The following NPAS3 variants were observed in gnomAD, a reference collection of about 807,000 sequenced individuals.
NPAS3 encodes neuronal PAS domain protein 3, also known as neuronal PAS domain-containing protein 3.
NPAS3 carries 14 observed loss-of-function variants against 73.1 expected under a neutral mutation model. The observed-to-expected ratio is 0.19, with a 90% CI of 0.13 to 0.30. The LOEUF (loss-of-function observed/expected upper bound fraction) is 0.30, where lower values mean the gene tolerates loss of function less well. Ranked by LOEUF, NPAS3 falls within the 10% of genes least tolerant of loss-of-function variation. The pLI is 1.00. For missense variants in NPAS3, 1,096 were observed against 1,250.0 expected, an observed-to-expected ratio of 0.88 and a Z score of 1.86; for synonymous variants, 620 against 541.5, an observed-to-expected ratio of 1.14 and a Z score of -2.01.
At chr14:33,118,997 T>G (rs1459652639) in intron 2 of NPAS3, among the ~76,000 whole-genome samples, 1 of 151,952 alleles carries the variant, frequency 6.6e-6, no homozygotes, top group South Asian at 2.1e-4. Context: ...AAATGCTACA[T>G]GGCAATATTT....
intron 3 of NPAS3, among the ~76,000 whole-genome samples, chr14:33,217,880 C>A (rs1386399721): frequency 6.6e-6 from 1 of 152,202 alleles, no homozygotes; most frequent in Non-Finnish European, 1.5e-5. Flanking sequence ...TTCTTGCCTT[C>A]TGTCTAGTGC....
chr14:33,716,676 A>G (rs764533767), intron 6 of NPAS3, among the ~76,000 whole-genome samples: 5 of 151,936 alleles, frequency 3.3e-5, no homozygotes, highest in Non-Finnish European at 7.4e-5. Context: ...TTCTTCCCCT[A>G]TGAGTTTGCC....
At chr14:33,232,599 G>A (rs2047892336) in intron 3 of NPAS3, among the ~76,000 whole-genome samples, 2 of 152,068 alleles carry the variant, frequency 1.3e-5, no homozygotes, top group Non-Finnish European at 2.9e-5. Flanking sequence ...CCCTTCCTGT[G>A]ATTAATGGGT....
chr14:33,186,677 G>A (rs181128773), intron 2 of NPAS3, among the ~76,000 whole-genome samples: 15 of 152,218 alleles, frequency 9.9e-5, no homozygotes, highest in African/African-American at 1.4e-4. Context: ...CCCTGGATAG[G>A]GCTGTATCCT....
chr14:33,225,915 C>A (rs141966451), intron 3 of NPAS3, among the ~76,000 whole-genome samples: 18 of 152,172 alleles, frequency 1.2e-4, no homozygotes, highest in Admixed American at 1.2e-3. Context: ...ATTGCAACAA[C>A]AATGAATGGC....
At chr14:33,033,042 T>C (rs1040917435) in intron 1 of NPAS3, among the ~76,000 whole-genome samples, 10 of 152,192 alleles carry the variant, frequency 6.6e-5, no homozygotes, top group Non-Finnish European at 1.3e-4. Flanking sequence ...GACTGTCAAA[T>C]CAAATAATAA....
At chr14:33,287,845 G>A (rs888853667) in intron 3 of NPAS3, among the ~76,000 whole-genome samples, 1 of 152,102 alleles carries the variant, frequency 6.6e-6, no homozygotes, top group African/African-American at 2.4e-5. Context: ...CATCGTTCCT[G>A]GAATTCAGTG....
chr14:33,123,494 C>A (rs978106347), intron 2 of NPAS3, among the ~76,000 whole-genome samples: 15 of 152,146 alleles, frequency 9.9e-5, no homozygotes, highest in Middle Eastern at 3.4e-3. Flanking sequence ...ATAAGCATTG[C>A]TGAAGTGGGT....
At chr14:33,242,255 C>A (rs1015421574) in intron 3 of NPAS3, among the ~76,000 whole-genome samples, 1 of 151,986 alleles carries the variant, frequency 6.6e-6, no homozygotes, top group Non-Finnish European at 1.5e-5. Flanking sequence ...TTATAGTTCC[C>A]TTCTCAAATT....
Position 33,417,123 on chromosome 14 carries a change from A to G in NPAS3, c.468+49855A>G, listed in dbSNP as rs190984264. 2.0e-5 allele frequency among the ~76,000 whole-genome samples: 3 copies of G among 152,150 alleles called. No homozygotes were observed. In the East Asian group the frequency reaches 5.8e-4, roughly 29 times the overall value. ...ATTCTTTGCAGCCTAATTGATAGAT[A>G]TGTATTTTATTTAAAAAATTAGAAT... On this transcript the variant is annotated intron_variant, in intron 4 of 11. Coordinates refer to ENST00000356141, the Ensembl canonical transcript of NPAS3.
At chr14:33,149,208 G>A (rs2044357675) in intron 2 of NPAS3, among the ~76,000 whole-genome samples, 2 of 152,228 alleles carry the variant, frequency 1.3e-5, no homozygotes, top group Non-Finnish European at 2.9e-5. Context: ...AATCCATAAG[G>A]TATGTAAAGG....
intron 5 of NPAS3, among the ~76,000 whole-genome samples, chr14:33,662,368 T>C (rs2059332336): frequency 6.6e-6 from 1 of 152,176 alleles, no homozygotes; most frequent in Non-Finnish European, 1.5e-5. Context: ...GGACTTGTGG[T>C]CAAGTAAAAA....
At chr14:33,522,912 T>C (rs1013564153) in intron 4 of NPAS3, among the ~76,000 whole-genome samples, 6 of 152,172 alleles carry the variant, frequency 3.9e-5, no homozygotes, top group African/African-American at 1.4e-4. Flanking sequence ...TGTTTTACAT[T>C]CATATATAAT....
chr14:32,996,241 G>A (rs540624224), intron 1 of NPAS3, among the ~76,000 whole-genome samples: 1 of 152,158 alleles, frequency 6.6e-6, no homozygotes, highest in Non-Finnish European at 1.5e-5. Flanking sequence ...GCATTCAATA[G>A]GTGACTTGGG....
chr14:33,756,017 C>T (rs1241243732), intron 7 of NPAS3, among the ~76,000 whole-genome samples: 1 of 152,114 alleles, frequency 6.6e-6, no homozygotes, highest in Non-Finnish European at 1.5e-5. Flanking sequence ...CCCCCATGAC[C>T]CAAACACCTC....
intron 1 of NPAS3, among the ~76,000 whole-genome samples, chr14:32,971,913 A>G (rs2037441914): frequency 6.7e-6 from 1 of 149,444 alleles, no homozygotes; most frequent in Admixed American, 6.7e-5. Context: ...GAAGTGACAG[A>G]TATCTATTAA....
rs2063676151 is a variant in NPAS3, at chr14:33,800,597, G to A, written c.2290G>A (p.Gly764Ser). The A allele has an allele frequency of 2.3e-6, 3 of 1,286,538 alleles. No homozygotes were observed. Among genetic ancestry groups the A allele is most frequent in the Non-Finnish European group, 2.9e-6 (3 of 1,022,332 alleles). 79.7% of individuals were successfully genotyped at this position (1,286,538 alleles called of 1,614,324 possible). A position where few individuals can be genotyped will look rare whatever the true frequency, so the allele number is the denominator to read the frequency against. Residue 764 changes from glycine (G) to serine (S), a missense_variant, in exon 12 of 12, where the codon GGC becomes AGC. Gly to Ser is a moderately conservative substitution (Grantham distance 56, BLOSUM62 0). This residue lies in a region of NPAS3 where 698 missense variants were observed against 676.7 expected (regional missense o/e 1.03). Coordinates refer to ENST00000356141, the Ensembl canonical transcript of NPAS3. The surrounding 1 kb of genome is among the most constrained non-coding windows in gnomAD (Gnocchi z 6.5). The stretch of plus-strand genomic sequence containing the variant: ...GCGGGACAAGCACCCCGGGAACGGC[G>A]GCGGGGGCGGGGGCGGGGGCGGCGG...
At chr14:33,561,701 T>G (rs1227510451) in intron 5 of NPAS3, among the ~76,000 whole-genome samples, 2 of 152,244 alleles carry the variant, frequency 1.3e-5, no homozygotes, top group Non-Finnish European at 1.5e-5. Flanking sequence ...GAAACACCAC[T>G]GTTTGTTGTT....
intron 5 of NPAS3, among the ~76,000 whole-genome samples, chr14:33,566,115 C>A (rs1157619170): frequency 6.6e-6 from 1 of 152,064 alleles, no homozygotes; most frequent in African/African-American, 2.4e-5. Context: ...CAGTACAAGG[C>A]ACAGTGGCAC....
Sources: allele counts gnomAD v4.1 joint callset (sites outside exome capture counted in the v4.1 genomes callset), GRCh38; gene constraint gnomAD v4.1.1; regional missense constraint gnomAD v4.1.1; non-coding constraint Gnocchi (gnomAD v3.1); transcripts MANE v1.5; gene names NCBI Gene and HGNC (gene_info 2026-07-23, HGNC 2026-07-21).